MTMR10: variants seen among roughly 807,000 people sequenced by gnomAD.
MTMR10 encodes the protein myotubularin-related protein 10.
Under a neutral mutation model 88.1 loss-of-function variants are expected in MTMR10, and 56 were observed. That is an observed-to-expected ratio of 0.64 (90% CI 0.51 to 0.79). The LOEUF (loss-of-function observed/expected upper bound fraction) is 0.79, where lower values mean the gene tolerates loss of function less well. MTMR10 is among the 30% of genes least tolerant of loss of function. MTMR10 has a pLI of 0.00. For missense variants in MTMR10, 883 were observed against 924.7 expected, an observed-to-expected ratio of 0.95 and a Z score of 0.58; for synonymous variants, 380 against 340.9, an observed-to-expected ratio of 1.11 and a Z score of -1.26.
downstream of MTMR10, among the ~76,000 whole-genome samples, chr15:30,934,436 C>T (rs2140965075): frequency 6.6e-6 from 1 of 152,246 alleles, no homozygotes; most frequent in Middle Eastern, 3.4e-3. Context: ...ATATCCTTAG[C>T]TTTAAATCCT....
chr15:30,942,712 A>AGAC, intron 15 of MTMR10, 178 bp downstream of exon 15: 2 of 627,236 alleles, frequency 3.2e-6, no homozygotes, highest in Non-Finnish European at 5.1e-6. Flanking sequence ...TGTGGGCCTC[A>AGAC]GACACCAGGA....
In MTMR10 at chr15:30,953,594, T is replaced by C; in HGVS notation, c.1104A>G (p.Ser368=). ...ATTCTAACCATCGAGTATTTTCCAG[T>C]GAAGATAACCATTTCTCTTCAGTTT... ...FEETEEKWLS[S]LENTRWLEYV... Residue 368 remains serine, a synonymous_variant, in exon 11 of 16, where the codon TCA becomes TCG. Transcript: ENST00000435680. 6.5e-7 allele frequency: 1 copy of C among 1,546,902 alleles called. No individual in the cohort carries two copies. The highest frequency in any genetic ancestry group is 8.8e-7 in the Non-Finnish European group (1 of 1,142,106).
Position 30,940,509 on chromosome 15 carries a change from G to A in MTMR10, c.*961C>T. On this transcript the variant is annotated 3_prime_UTR_variant, in exon 16 of 16. Coordinates refer to ENST00000435680, the MANE Select transcript of MTMR10 (RefSeq NM_017762.3). ...CCTCATTAGTTATTTCCAGGGGGAA[G>A]TGCCAGCAATAGTTTACCACACTGG... 2.0e-6 allele frequency: 2 copies of A among 985,440 alleles called. No individual in the cohort carries two copies. Among genetic ancestry groups the A allele is most frequent in the Non-Finnish European group, 2.4e-6 (2 of 829,942 alleles). The allele number at this position is 985,440 out of a possible 1,614,324, so 61.0% of individuals were successfully genotyped here.
Position 30,938,995 on chromosome 15 carries a change from T to C in MTMR10, c.*2475A>G. 1.0e-6 allele frequency: 1 copy of C among 985,330 alleles called. No homozygotes were observed. Among genetic ancestry groups the C allele is most frequent in the Non-Finnish European group, 1.2e-6 (1 of 829,818 alleles). The allele number at this position is 985,330 out of a possible 1,614,324, so 61.0% of individuals were successfully genotyped here. On this transcript the variant is annotated 3_prime_UTR_variant, in exon 16 of 16. Transcript: ENST00000435680. Reference sequence around the variant, plus strand: ...TCAAAATTTCCTTCACATTCAATACTGTTGAACAACAAGATAACACATCTT... The same window carrying C: ...TCAAAATTTCCTTCACATTCAATACCGTTGAACAACAAGATAACACATCTT...
chr15:30,982,070 CA>C (rs1182835234), intron 2 of MTMR10, among the ~76,000 whole-genome samples: 55 of 106,110 alleles, frequency 5.2e-4, no homozygotes, highest in South Asian at 6.0e-4. Context: ...GACTCCATCT[CA>C]AAAAAAAAAA....
chr15:30,973,164 A>T (rs778317610), intron 5 of MTMR10, among the ~76,000 whole-genome samples: 3 of 152,220 alleles, frequency 2.0e-5, no homozygotes, highest in Non-Finnish European at 2.9e-5. Flanking sequence ...AAAATGCCAA[A>T]ATCACAAACA....
At position 30,947,229 on chromosome 15, in the gene MTMR10, G is replaced by C. The variant is rs775070063; in HGVS notation, c.1449C>G (p.Phe483Leu). The C allele has an allele frequency of 3.1e-6, 5 of 1,613,962 alleles. No individual in the cohort carries two copies. The highest frequency in any genetic ancestry group is 1.6e-4 in the Middle Eastern group (1 of 6,062). The change falls in exon 14 of 16, where the codon TTC becomes TTG. Residue 483 changes from phenylalanine (F) to leucine (L), a missense_variant. Physicochemically the swap from Phe to Leu is conservative, Grantham distance 22. Around this residue, in one of 3 missense-constraint regions of MTMR10, gnomAD observed 126 missense variants for 178.2 expected, o/e 0.71. Coordinates refer to ENST00000435680, the MANE Select transcript of MTMR10 (RefSeq NM_017762.3). ...ACAACACTGCCAGGTAGGTTTCGGA[G>C]AACTCAAAAGCTGCAGGATATTGTT... ...LLEQYPAAFE[F>L]SETYLAVLYD...
the MTMR10 span, chr15:30,925,013 T>C: frequency 8.9e-7 from 1 of 1,127,364 alleles, no homozygotes; most frequent in Non-Finnish European, 1.3e-6. Context: ...TGTTTGCTCA[T>C]TTGCTAATCA....
chr15:30,966,932 TATACAC>T (rs1298723625), intron 6 of MTMR10, among the ~76,000 whole-genome samples: 1 of 151,710 alleles, frequency 6.6e-6, no homozygotes, highest in East Asian at 1.9e-4. Flanking sequence ...AAAATTTACT[TATACAC>T]ATGCATCTTC....
chr15:30,969,934 A>G (rs1240439920), intron 5 of MTMR10, among the ~76,000 whole-genome samples: 1 of 152,130 alleles, frequency 6.6e-6, no homozygotes, highest in Non-Finnish European at 1.5e-5. Context: ...TCTGTTCAAC[A>G]CTACTCTCTT....
intron 2 of MTMR10, among the ~76,000 whole-genome samples, chr15:30,987,368 T>C (rs2031006516): frequency 6.6e-6 from 1 of 152,208 alleles, no homozygotes; most frequent in Admixed American, 6.5e-5. Context: ...GTAGGCACAA[T>C]ACCCATCTCA....
the MTMR10 span, chr15:30,929,187 T>A: frequency 3.1e-6 from 5 of 1,608,038 alleles, no homozygotes; most frequent in East Asian, 1.1e-4. Flanking sequence ...GACAGCTTGC[T>A]TTCCCTGTGA....
chr15:30,947,296 G>C lies in MTMR10; in HGVS notation c.1382C>G (p.Pro461Arg), dbSNP rs376518275. The C allele has an allele frequency of 5.7e-5, 92 of 1,612,758 alleles. No individual in the cohort carries two copies. The highest frequency in any genetic ancestry group is 2.8e-5 in the Non-Finnish European group (33 of 1,179,568). The change falls in exon 14 of 16, where the codon CCT (proline) becomes CGT (arginine). Residue 461 changes from proline to arginine, a missense_variant. Around this residue, in one of 3 missense-constraint regions of MTMR10, gnomAD observed 126 missense variants for 178.2 expected, o/e 0.71. Coordinates refer to ENST00000435680, the MANE Select transcript of MTMR10 (RefSeq NM_017762.3). Reference protein sequence around the residue: ...NHLKRSEKESPLFLLFLDATW... With the variant: ...NHLKRSEKESRLFLLFLDATW... ...GGCATCCAAGAATAGCAAAAATAAA[G>C]GAGACTGGCAAATACAAAGAGACAA... is the stretch of plus-strand genomic sequence containing the variant.
intron 7 of MTMR10, among the ~76,000 whole-genome samples, chr15:30,959,510 T>G (rs918785073): frequency 1.3e-5 from 2 of 152,224 alleles, no homozygotes; most frequent in African/African-American, 4.8e-5. Flanking sequence ...GCTCTCTTCT[T>G]AAGTCCCTCT....
At chr15:30,990,678 T>G in intron 2 of MTMR10, 99 bp downstream of exon 2, 2 of 989,748 alleles carry the variant, frequency 2.0e-6, no homozygotes, top group Non-Finnish European at 3.0e-6. Context: ...GAAAGTTTAA[T>G]GAGAGAAGGG....
At chr15:30,990,230 A>G (rs1337751930) in intron 2 of MTMR10, among the ~76,000 whole-genome samples, 1 of 152,122 alleles carries the variant, frequency 6.6e-6, no homozygotes, top group Non-Finnish European at 1.5e-5. Context: ...ACTGGCATCT[A>G]GTGGGTGGAG....
chr15:30,921,165 G>A, the MTMR10 span, among the ~76,000 whole-genome samples: 2 of 152,158 alleles, frequency 1.3e-5, no homozygotes, highest in Non-Finnish European at 2.9e-5. Context: ...GAGAAGATAG[G>A]TGAAGATGGA....
intron 15 of MTMR10, 176 bp downstream of exon 15, chr15:30,942,710 TCAGA>T (rs2063095009): frequency 2.1e-5 from 13 of 623,364 alleles, no homozygotes; most frequent in Non-Finnish European, 3.1e-5. Flanking sequence ...TTTGTGGGCC[TCAGA>T]CACCAGGAAG....
chr15:30,984,542 C>A (rs1473742462), intron 2 of MTMR10, among the ~76,000 whole-genome samples: 1 of 152,074 alleles, frequency 6.6e-6, no homozygotes, highest in Non-Finnish European at 1.5e-5. Context: ...GAATTAACAA[C>A]CCAACTGAGG....
Sources: gnomAD v4.1 joint callset for allele counts (sites outside exome capture counted in the v4.1 genomes callset) on GRCh38, gnomAD v4.1.1 for gene constraint, gnomAD v4.1.1 regional missense constraint, MANE v1.5 for transcripts, NCBI Gene and HGNC (gene_info 2026-07-23, HGNC 2026-07-21) for gene names.